CERS3: variants seen among roughly 807,000 people sequenced by gnomAD.
The protein encoded by CERS3 is ceramide synthase 3, also known as LAG1 homolog, ceramide synthase 3.
CERS3 carries 33 observed loss-of-function variants against 50.3 expected under a neutral mutation model. The observed-to-expected ratio is 0.66, with a 90% confidence interval of 0.50 to 0.88. The LOEUF (loss-of-function observed/expected upper bound fraction) is 0.88, where lower values mean the gene tolerates loss of function less well. Among genes scored for constraint, CERS3 ranks in the 40% least tolerant of loss-of-function variants. CERS3 has a pLI of 0.00. For missense variants in CERS3, 470 were observed against 460.3 expected (o/e 1.02, Z -0.19); for synonymous variants, 176 against 155.2 (o/e 1.13, Z -0.99).
chr15:100,428,037 C>T (rs547576180), intron 11 of CERS3, among the ~76,000 whole-genome samples: 9 of 152,172 alleles, frequency 5.9e-5, no homozygotes, highest in Non-Finnish European at 1.0e-4. Flanking sequence ...TGGTACATAA[C>T]AGTGAAGGAA....
At chr15:100,514,774 G>A (rs2036445250) in intron 2 of CERS3, among the ~76,000 whole-genome samples, 1 of 112,540 alleles carries the variant, frequency 8.9e-6, no homozygotes, top group Non-Finnish European at 1.8e-5. Context: ...CATATCACAT[G>A]TATGTGTGTG....
chr15:100,542,816 T>C (rs1596841347), intron 1 of CERS3, among the ~76,000 whole-genome samples: 1 of 152,080 alleles, frequency 6.6e-6, no homozygotes, highest in East Asian at 1.9e-4. Flanking sequence ...CATATATATA[T>C]ATACACATGT....
intron 4 of CERS3, among the ~76,000 whole-genome samples, chr15:100,489,835 T>C (rs1017480086): frequency 6.6e-6 from 1 of 152,198 alleles, no homozygotes; most frequent in Non-Finnish European, 1.5e-5. Flanking sequence ...CAGAACAAGT[T>C]AGAGCCAGCT....
chr15:100,403,067 A>G (rs1332320916), intron 11 of CERS3, among the ~76,000 whole-genome samples: 3 of 152,240 alleles, frequency 2.0e-5, no homozygotes, highest in African/African-American at 7.2e-5. Flanking sequence ...CACGAAGCAT[A>G]TTTCTAGACC....
intron 11 of CERS3, among the ~76,000 whole-genome samples, chr15:100,431,584 C>T (rs1026130860): frequency 7.2e-5 from 11 of 152,098 alleles, no homozygotes; most frequent in South Asian, 2.1e-4. Context: ...TAGTGATCTC[C>T]GCTTTTTAAA....
chr15:100,423,482 G>C (rs147100608), intron 11 of CERS3, among the ~76,000 whole-genome samples: 53 of 152,286 alleles, frequency 3.5e-4, no homozygotes, highest in African/African-American at 1.2e-3. Context: ...CATGGATGCA[G>C]CTGGAGGCCA....
upstream of CERS3, among the ~76,000 whole-genome samples, chr15:100,531,896 A>G (rs1465150407): frequency 2.0e-5 from 3 of 152,224 alleles, no homozygotes; most frequent in African/African-American, 7.2e-5. Context: ...AATGAAATGT[A>G]GACAATTAAG....
rs560313279 is a variant in CERS3, at chr15:100,502,105, T to G, written c.-1-255A>C. On this transcript the variant is annotated intron_variant, in intron 2 of 11. Transcript: ENST00000679737. Reference sequence around the variant, plus strand: ...ACTAAAAATACAAAAATTGGTCAGGTGTGGTGGTGCACACCTGTAGTCCCA... The same window carrying G: ...ACTAAAAATACAAAAATTGGTCAGGGGTGGTGGTGCACACCTGTAGTCCCA... Among the ~76,000 whole-genome samples the G allele has an allele frequency of 5.9e-5, 9 of 151,476 alleles. No homozygotes were observed. In the East Asian group the frequency reaches 1.6e-3, roughly 26 times the overall value.
At chr15:100,522,145 T>C (rs952670446) in intron 1 of CERS3, among the ~76,000 whole-genome samples, 7 of 152,250 alleles carry the variant, frequency 4.6e-5, no homozygotes, top group Non-Finnish European at 1.0e-4. Flanking sequence ...ATATGAATTA[T>C]GTCGTCAAGT....
Position 100,484,700 on chromosome 15 carries a change from T to C in CERS3, c.289-32A>G, listed in dbSNP as rs115359813. ...AGGGATGAAACGCATAAATGAGTGATAAAGAACAGAGTCAGACTGGCAGGC... is the reference window on the plus strand; with the variant it reads ...AGGGATGAAACGCATAAATGAGTGACAAAGAACAGAGTCAGACTGGCAGGC... On this transcript the variant is annotated intron_variant, in intron 4 of 11. Transcript: ENST00000679737. 3,326 of 1,472,182 alleles carry C rather than the reference T, an allele frequency of 2.3e-3. 73 individuals are homozygous for C. The African/African-American group carries it at 0.04, about 18-fold the overall frequency. 91.2% of individuals were successfully genotyped at this position (1,472,182 alleles called of 1,614,324 possible). A position where few individuals can be genotyped will look rare whatever the true frequency, so the allele number is the denominator to read the frequency against.
rs549173573 is a variant in CERS3, at chr15:100,463,260, C to A, written c.845+6118G>T. On this transcript the variant is annotated intron_variant, in intron 10 of 11. Coordinates refer to ENST00000679737, the MANE Select transcript of CERS3 (RefSeq NM_001378789.1). ...GACCATCCTGGCCAACATGGTGAAA[C>A]CCCGTTTCTACTAAAAATACAAAAA... Among the ~76,000 whole-genome samples the A allele has an allele frequency of 1.1e-3, 170 of 151,828 alleles. 4 individuals carry two copies. In the South Asian group the frequency reaches 0.033, roughly 29 times the overall value.
chr15:100,495,592 T>G (rs2035786475), intron 3 of CERS3, among the ~76,000 whole-genome samples: 1 of 152,236 alleles, frequency 6.6e-6, no homozygotes, highest in South Asian at 2.1e-4. Context: ...TTTGATGAAG[T>G]ATTTGCTCAA....
In CERS3 at chr15:100,518,622, C is replaced by A. The variant is rs200628825; in HGVS notation, c.-2+3045G>T. On this transcript the variant is annotated intron_variant, in intron 2 of 11. Transcript: ENST00000679737. ...TCAATATGCATTTACACAATTTTCA[C>A]GTCATCTCTCTGCCTATTAGTGAAA... is the stretch of plus-strand genomic sequence containing the variant. 2.6e-5 allele frequency among the ~76,000 whole-genome samples: 4 copies of A among 152,304 alleles called. No homozygotes were observed. The South Asian group carries it at 6.2e-4, about 24-fold the overall frequency.
At chr15:100,484,767 G>T in intron 4 of CERS3, 99 bp from the exon 5 acceptor site, 1 of 841,464 alleles carries the variant, frequency 1.2e-6, no homozygotes, top group South Asian at 1.5e-5. Flanking sequence ...TTCGGTACTG[G>T]GGATGAGAGA....
chr15:100,404,048 C>A (rs142374674), intron 11 of CERS3, among the ~76,000 whole-genome samples: 66 of 152,240 alleles, frequency 4.3e-4, no homozygotes, highest in African/African-American at 1.4e-3. Flanking sequence ...AGAAGAGAGG[C>A]AATGTGAAGA....
chr15:100,407,259 A>C (rs552797248), intron 11 of CERS3, among the ~76,000 whole-genome samples: 1 of 152,324 alleles, frequency 6.6e-6, no homozygotes, highest in Non-Finnish European at 1.5e-5. Context: ...GAAAGAAACC[A>C]GTCCTTGAGG....
At chr15:100,475,343 C>T (rs919685196) in intron 8 of CERS3, among the ~76,000 whole-genome samples, 5 of 152,228 alleles carry the variant, frequency 3.3e-5, no homozygotes, top group Admixed American at 6.5e-5. Flanking sequence ...ACTGGTTTAT[C>T]TAATATTAAA....
At chr15:100,452,971 C>G (rs1464077016) in intron 11 of CERS3, among the ~76,000 whole-genome samples, 3 of 151,846 alleles carry the variant, frequency 2.0e-5, no homozygotes, top group Non-Finnish European at 4.4e-5. Context: ...CCTGAACAGA[C>G]CAATAAAAAG....
intron 11 of CERS3, among the ~76,000 whole-genome samples, chr15:100,446,097 A>C (rs55858722): frequency 0.18 from 26,516 of 151,092 alleles, 2,579 homozygotes; most frequent in Admixed American, 0.26. Context: ...ATCTCCCTTC[A>C]CTGACTCTCT....
Sources: gnomAD v4.1 joint callset for allele counts (sites outside exome capture counted in the v4.1 genomes callset) on GRCh38, gnomAD v4.1.1 for gene constraint, MANE v1.5 for transcripts, NCBI Gene and HGNC (gene_info 2026-07-23, HGNC 2026-07-21) for gene names.